RAD51B: variants seen among roughly 807,000 people sequenced by gnomAD.
RAD51B encodes the protein RAD51 paralog B, also known as DNA repair protein RAD51 homolog 2.
A neutral mutation model predicts 42.2 loss-of-function variants in RAD51B; 38 were observed. That is an observed-to-expected ratio of 0.90 (90% confidence interval 0.70 to 1.18). RAD51B has a LOEUF of 1.18. RAD51B is among the 50% of genes most tolerant of loss of function. The pLI, the probability that RAD51B is intolerant of heterozygous loss-of-function variation, is 0.00. For missense variants in RAD51B, 373 were observed against 400.7 expected (o/e 0.93, Z 0.59); for synonymous variants, 154 against 145.2 (o/e 1.06, Z -0.43).
intron 8 of RAD51B, among the ~76,000 whole-genome samples, chr14:68,407,484 T>G (rs1323395989): frequency 6.6e-6 from 1 of 152,202 alleles, no homozygotes; most frequent in Non-Finnish European, 1.5e-5. Flanking sequence ...ACCATTGCTG[T>G]GACATCACTA....
chr14:68,478,551 C>G (rs758294116), downstream of RAD51B, among the ~76,000 whole-genome samples: 1 of 152,250 alleles, frequency 6.6e-6, no homozygotes, highest in Non-Finnish European at 1.5e-5. Context: ...ATTGAAGCAT[C>G]AGACTGGGTT....
chr14:68,027,813 T>C (rs2075978556), intron 7 of RAD51B, among the ~76,000 whole-genome samples: 1 of 152,240 alleles, frequency 6.6e-6, no homozygotes, highest in Admixed American at 6.5e-5. Flanking sequence ...ATCTAGATTC[T>C]GAATTTTATA....
Position 68,638,938 on chromosome 14 carries a change from G to A in RAD51B, c.1037-11843G>A, listed in dbSNP as rs1892399132. Among the ~76,000 whole-genome samples, 4 of 152,190 alleles carry A rather than the reference G, an allele frequency of 2.6e-5. 1 individual carries two copies. The South Asian group carries it at 8.3e-4, about 31-fold the overall frequency. ...CAAACTCATCAGATTTGACAGAAGT[G>A]CAAGAATGTGAGAGCAAGGGGGTTG... On this transcript the variant is annotated intron_variant, in intron 10 of 11. Coordinates refer to the RAD51B transcript ENST00000488612.
chr14:68,096,775 C>T (rs1208011753), intron 7 of RAD51B, among the ~76,000 whole-genome samples: 2 of 152,100 alleles, frequency 1.3e-5, no homozygotes, highest in Non-Finnish European at 2.9e-5. Flanking sequence ...TTTGCAAGAT[C>T]ATCTCTAATA....
At chr14:68,101,279 C>T (rs750868094) in intron 7 of RAD51B, among the ~76,000 whole-genome samples, 2 of 152,178 alleles carry the variant, frequency 1.3e-5, no homozygotes, top group Non-Finnish European at 2.9e-5. Flanking sequence ...ATCTCATGCC[C>T]TCATACTTCA....
intron 8 of RAD51B, among the ~76,000 whole-genome samples, chr14:68,380,317 G>A (rs1190164023): frequency 6.6e-6 from 1 of 152,164 alleles, no homozygotes. Context: ...AAATTGCAAA[G>A]CCTATTCACC....
intron 7 of RAD51B, among the ~76,000 whole-genome samples, chr14:68,044,444 A>C (rs535860139): frequency 6.6e-6 from 1 of 152,224 alleles, no homozygotes; most frequent in South Asian, 2.1e-4. Flanking sequence ...TAAAAGTCAA[A>C]ACACAAGATG....
downstream of RAD51B, among the ~76,000 whole-genome samples, chr14:68,596,259 C>A (rs1890994791): frequency 1.3e-5 from 2 of 152,038 alleles, no homozygotes; most frequent in South Asian, 4.1e-4. Context: ...TAATCGTACC[C>A]AAACTTTTTT....
At chr14:68,379,010 A>G (rs2083427297) in intron 8 of RAD51B, among the ~76,000 whole-genome samples, 1 of 152,202 alleles carries the variant, frequency 6.6e-6, no homozygotes, top group Non-Finnish European at 1.5e-5. Context: ...ATCCAATTAC[A>G]GCAACAAATA....
intron 10 of RAD51B, among the ~76,000 whole-genome samples, chr14:68,559,683 A>G (rs1889045015): frequency 6.6e-6 from 1 of 152,194 alleles, no homozygotes; most frequent in African/African-American, 2.4e-5. Flanking sequence ...CCCCAGGAGC[A>G]ATTCTGAGTA....
chr14:68,223,796 C>T (rs986464420), intron 7 of RAD51B, among the ~76,000 whole-genome samples: 4 of 152,182 alleles, frequency 2.6e-5, no homozygotes, highest in African/African-American at 9.7e-5. Flanking sequence ...CATTCTGTCA[C>T]TAAGATGTAT....
chr14:68,266,402 A>T (rs2080992890), intron 7 of RAD51B, among the ~76,000 whole-genome samples: 1 of 152,208 alleles, frequency 6.6e-6, no homozygotes, highest in Non-Finnish European at 1.5e-5. Context: ...GTTTGTTCGA[A>T]TGGCTTCCAA....
chr14:68,242,373 A>G (rs2141004575), intron 7 of RAD51B, among the ~76,000 whole-genome samples: 1 of 152,360 alleles, frequency 6.6e-6, no homozygotes, highest in East Asian at 1.9e-4. Flanking sequence ...GCCTGGAAAT[A>G]GAAGCTACTA....
At position 68,568,166 on chromosome 14, in the gene RAD51B, T is replaced by C. The variant is rs138464126; in HGVS notation, c.1037-26319T>C. Among the ~76,000 whole-genome samples, 1,434 of 152,318 alleles carry C rather than the reference T, an allele frequency of 9.4e-3. 18 individuals carry two copies. The highest frequency in any genetic ancestry group is 0.032 in the African/African-American group (1,323 of 41,556). ...GCTGTTCCTACCCTCTGAGAAACTA[T>C]AGTCTTGCGACACAGAAAGGTAAGC... On this transcript the variant is annotated intron_variant, in intron 10 of 10. Coordinates refer to the RAD51B transcript ENST00000487270.
chr14:68,356,950 T>C (rs2082920839), intron 8 of RAD51B, among the ~76,000 whole-genome samples: 2 of 122,922 alleles, frequency 1.6e-5, no homozygotes, highest in African/African-American at 6.1e-5. Flanking sequence ...GCCACTGCAC[T>C]CCAGCCTGGG....
At chr14:68,443,076 G>A (rs562540666) in intron 9 of RAD51B, among the ~76,000 whole-genome samples, 1 of 152,252 alleles carries the variant, frequency 6.6e-6, no homozygotes, top group African/African-American at 2.4e-5. Context: ...TCTTGCTTAA[G>A]CATTTGCCTT....
intron 7 of RAD51B, among the ~76,000 whole-genome samples, chr14:68,161,004 C>A (rs933276545): frequency 8.5e-5 from 13 of 152,196 alleles, no homozygotes; most frequent in African/African-American, 3.1e-4. Flanking sequence ...TTTGATCCTT[C>A]ACAGTATTGT....
At chr14:68,537,145 A>G (rs1887673634) in intron 10 of RAD51B, among the ~76,000 whole-genome samples, 1 of 151,068 alleles carries the variant, frequency 6.6e-6, no homozygotes, top group Admixed American at 6.6e-5. Flanking sequence ...TGTCACAATA[A>G]TAGCACATGT....
chr14:68,242,547 C>T (rs775151939), intron 7 of RAD51B, among the ~76,000 whole-genome samples: 1 of 152,136 alleles, frequency 6.6e-6, no homozygotes, highest in Non-Finnish European at 1.5e-5. Flanking sequence ...AACGTTCAAA[C>T]AGAGGAAGGT....
Sources: gnomAD v4.1 joint callset for allele counts (sites outside exome capture counted in the v4.1 genomes callset) on GRCh38, gnomAD v4.1.1 for gene constraint, MANE v1.5 for transcripts, NCBI Gene and HGNC (gene_info 2026-07-23, HGNC 2026-07-21) for gene names.